The following KLF12 variants were observed in gnomAD, a reference collection of about 807,000 sequenced individuals.
The protein encoded by KLF12 is KLF transcription factor 12, also known as Krueppel-like factor 12.
In KLF12, 9 loss-of-function variants were observed where a neutral mutation model predicts 37.8. The observed-to-expected ratio is 0.24, with a 90% confidence interval of 0.14 to 0.42. The LOEUF (loss-of-function observed/expected upper bound fraction) is 0.42. Ranked by LOEUF, KLF12 falls within the 10% of genes least tolerant of loss-of-function variation. The pLI is 1.00. For missense variants in KLF12, 411 were observed against 516.0 expected, an observed-to-expected ratio of 0.80 and a Z score of 1.97; for synonymous variants, 208 against 202.1, an observed-to-expected ratio of 1.03 and a Z score of -0.25.
At chr13:73,781,393 T>C (rs1880956381) in intron 5 of KLF12, among the ~76,000 whole-genome samples, 1 of 152,222 alleles carries the variant, frequency 6.6e-6, no homozygotes, top group South Asian at 2.1e-4. Flanking sequence ...CACCACTATT[T>C]ATTTTTTTGT....
At chr13:74,303,065 G>A in the KLF12 span, among the ~76,000 whole-genome samples, 2 of 152,070 alleles carry the variant, frequency 1.3e-5, no homozygotes, top group Non-Finnish European at 2.9e-5. Context: ...GTTATACCAG[G>A]ACAAGAGGCA....
the KLF12 span, among the ~76,000 whole-genome samples, chr13:74,222,228 G>T: frequency 6.6e-6 from 1 of 152,202 alleles, no homozygotes; most frequent in Non-Finnish European, 1.5e-5. Flanking sequence ...TCTTTCAGAG[G>T]AATCTATACT....
At chr13:73,727,162 G>C (rs1057450564) in intron 6 of KLF12, among the ~76,000 whole-genome samples, 3 of 151,964 alleles carry the variant, frequency 2.0e-5, no homozygotes, top group Admixed American at 2.0e-4. Context: ...TATATATTCT[G>C]GATGCAAGTC....
intron 3 of KLF12, among the ~76,000 whole-genome samples, chr13:73,906,693 C>A (rs7317806): frequency 0.049 from 7,489 of 152,238 alleles, 435 homozygotes; most frequent in African/African-American, 0.14. Flanking sequence ...CTAATTCTCA[C>A]ATATAATGTC....
At position 74,086,102 on chromosome 13, in the gene KLF12, G is replaced by A. The variant is rs1875274436; in HGVS notation, c.-32+47637C>T. Among the ~76,000 whole-genome samples the A allele has an allele frequency of 2.0e-5, 3 of 151,186 alleles. No homozygotes were observed. The South Asian group carries it at 6.3e-4, about 32-fold the overall frequency. ...TTTTTGTTTTAACAATTAACTAAAG[G>A]AATCACTAATTTTTATTATTATTAT... On this transcript the variant is annotated intron_variant, in intron 1 of 7. Coordinates refer to ENST00000377669, the MANE Select transcript of KLF12 (RefSeq NM_007249.5).
intron 1 of KLF12, among the ~76,000 whole-genome samples, chr13:74,078,219 A>C (rs1404968831): frequency 1.3e-5 from 2 of 152,194 alleles, no homozygotes; most frequent in Non-Finnish European, 2.9e-5. Context: ...AGTCAAGGAG[A>C]AAAGCCAAAA....
the KLF12 span, among the ~76,000 whole-genome samples, chr13:74,301,001 G>A: frequency 6.6e-6 from 1 of 152,120 alleles, no homozygotes; most frequent in African/African-American, 2.4e-5. Flanking sequence ...TTATCTTCAT[G>A]AGAAAATTTC....
At chr13:74,024,436 G>A (rs183307522) in intron 1 of KLF12, among the ~76,000 whole-genome samples, 111 of 152,178 alleles carry the variant, frequency 7.3e-4, no homozygotes, top group African/African-American at 2.4e-3. Context: ...ATGAGTATAC[G>A]CATCATTCTG....
the KLF12 span, among the ~76,000 whole-genome samples, chr13:74,190,906 T>C: frequency 6.6e-6 from 1 of 152,206 alleles, no homozygotes; most frequent in Non-Finnish European, 1.5e-5. Context: ...ACAACTGTTT[T>C]CCACTCTGTT....
chr13:73,826,077 A>C (rs1478393507), intron 4 of KLF12, among the ~76,000 whole-genome samples: 1 of 151,692 alleles, frequency 6.6e-6, no homozygotes, highest in African/African-American at 2.4e-5. Context: ...GGTTCACGCT[A>C]TTCTCCTGCC....
chr13:74,015,637 T>C (rs1463690042), intron 1 of KLF12, among the ~76,000 whole-genome samples: 4 of 152,184 alleles, frequency 2.6e-5, no homozygotes, highest in Non-Finnish European at 2.9e-5. Flanking sequence ...TCCACAGGCA[T>C]AGCAATCTCT....
chr13:73,905,468 C>T (rs545285991), intron 3 of KLF12, among the ~76,000 whole-genome samples: 10 of 152,016 alleles, frequency 6.6e-5, no homozygotes, highest in African/African-American at 2.2e-4. Context: ...CCCAACATAT[C>T]TTAACCTAAG....
At chr13:74,271,193 A>G in the KLF12 span, among the ~76,000 whole-genome samples, 7 of 152,300 alleles carry the variant, frequency 4.6e-5, no homozygotes, top group South Asian at 2.1e-4. Flanking sequence ...TCCCGAAACC[A>G]TCCCTCCCAC....
intron 7 of KLF12, among the ~76,000 whole-genome samples, chr13:73,709,358 G>C (rs968611625): frequency 3.9e-5 from 6 of 152,060 alleles, no homozygotes; most frequent in Non-Finnish European, 5.9e-5. Context: ...CATGGCTCTC[G>C]TAAGTCAACT....
the KLF12 span, chr13:74,257,707 C>CT: frequency 1.3e-5 from 2 of 152,154 alleles, no homozygotes; most frequent in Non-Finnish European, 2.9e-5. Flanking sequence ...AAATGATGCA[C>CT]TTTCTACACA....
intron 6 of KLF12, among the ~76,000 whole-genome samples, chr13:73,750,838 T>C (rs1048951975): frequency 2.0e-5 from 3 of 152,182 alleles, no homozygotes; most frequent in Non-Finnish European, 4.4e-5. Context: ...TCAAGCTGTT[T>C]TGGGAAATGT....
intron 3 of KLF12, among the ~76,000 whole-genome samples, chr13:73,859,558 G>T (rs1885807657): frequency 6.6e-6 from 1 of 152,178 alleles, no homozygotes; most frequent in African/African-American, 2.4e-5. Flanking sequence ...TGCTAGGATA[G>T]TTGTAAGCTA....
At chr13:73,807,591 T>C (rs2138394352) in intron 5 of KLF12, among the ~76,000 whole-genome samples, 1 of 152,290 alleles carries the variant, frequency 6.6e-6, no homozygotes, top group South Asian at 2.1e-4. Flanking sequence ...AGAATATCCT[T>C]TTCATAGGTG....
At chr13:73,812,386 CAAA>C (rs11354700) in intron 5 of KLF12, among the ~76,000 whole-genome samples, 1 of 148,924 alleles carries the variant, frequency 6.7e-6, no homozygotes, top group Admixed American at 6.7e-5. Flanking sequence ...TGCATTCTCA[CAAA>C]AAAAAAAACT....
Sources: allele counts gnomAD v4.1 joint callset (sites outside exome capture counted in the v4.1 genomes callset), GRCh38; gene constraint gnomAD v4.1.1; transcripts MANE v1.5; gene names NCBI Gene and HGNC (gene_info 2026-07-23, HGNC 2026-07-21).